Variants in MAOA observed in about 807,000 individuals in gnomAD.
MAOA encodes the protein monoamine oxidase A.
MAOA carries 6 observed loss-of-function variants against 42.0 expected under a neutral mutation model. That is an observed-to-expected ratio of 0.14 (90% CI 0.08 to 0.28). The LOEUF is 0.28. Among genes scored for constraint, MAOA ranks in the 10% least tolerant of loss-of-function variants. The probability of loss-of-function intolerance (pLI) is 1.00; values close to 1 mark genes in which losing one functional copy is unlikely to be tolerated. For missense variants in MAOA, 262 were observed against 422.3 expected (o/e 0.62, Z 3.33); for synonymous variants, 140 against 154.0 (o/e 0.91, Z 0.67).
intron 5 of MAOA, among the ~76,000 whole-genome samples, chrX:43,719,412 C>A (rs2033770657): frequency 9.1e-6 from 1 of 110,415 alleles, no homozygotes; most frequent in Non-Finnish European, 1.9e-5. Flanking sequence ...TGTCTTCCAG[C>A]AATCTGCCAC....
intron 9 of MAOA, among the ~76,000 whole-genome samples, chrX:43,733,679 A>G (rs2033899429): frequency 1.8e-5 from 2 of 112,173 alleles, no homozygotes; most frequent in African/African-American, 6.5e-5. Flanking sequence ...CTTTACCCCT[A>G]GGAAATGCAT....
chrX:43,740,654 T>A lies in MAOA; in HGVS notation c.1107-27T>A, dbSNP rs182821727. 3,174 of 1,133,992 alleles carry A rather than the reference T, an allele frequency of 2.8e-3. 30 individuals carry two copies. In the African/African-American group the frequency reaches 0.046, roughly 16 times the overall value. The allele number at this position is 1,133,992 out of a possible 1,213,427, so 93.5% of individuals were successfully genotyped here. A position where few individuals can be genotyped will look rare whatever the true frequency, so the allele number is the denominator to read the frequency against. On this transcript the variant is annotated intron_variant, in intron 10 of 14. Transcript: ENST00000338702. ...AGTTACTCCTTCCCTAACTTTATTTTTTTTTTTTTTTGGCTCTGTTTTATA... is the reference window on the plus strand; with the variant it reads ...AGTTACTCCTTCCCTAACTTTATTTATTTTTTTTTTTGGCTCTGTTTTATA...
At chrX:43,701,124 T>C (rs1165276876) in intron 3 of MAOA, among the ~76,000 whole-genome samples, 1 of 112,168 alleles carries the variant, frequency 8.9e-6, no homozygotes, top group Non-Finnish European at 1.9e-5. Flanking sequence ...TATATGAAGA[T>C]AGCTGGTAAA....
intron 1 of MAOA, among the ~76,000 whole-genome samples, chrX:43,682,348 G>A (rs2033450821): frequency 9.0e-6 from 1 of 111,178 alleles, no homozygotes; most frequent in South Asian, 3.9e-4. Context: ...GATAAGATGA[G>A]TCGGGAGCAT....
intron 1 of MAOA, among the ~76,000 whole-genome samples, chrX:43,673,047 T>C (rs759352566): frequency 1.6e-4 from 18 of 110,491 alleles, no homozygotes; most frequent in East Asian, 1.1e-3. Flanking sequence ...TGGTAGAATT[T>C]GGCTGTGAAT....
chrX:43,673,156 G>T (rs1458226458), intron 1 of MAOA, among the ~76,000 whole-genome samples: 2 of 110,750 alleles, frequency 1.8e-5, no homozygotes, highest in Non-Finnish European at 3.8e-5. Context: ...CTTCTTCCTG[G>T]TTTAGTCTTG....
chrX:43,683,616 T>C lies in MAOA; in HGVS notation c.168+9T>C. Reference sequence around the variant, plus strand: ...GAACATATACTATAAGGGTAAGTGATTTTAATACTTACATGTAATGTAATA... The same window carrying C: ...GAACATATACTATAAGGGTAAGTGACTTTAATACTTACATGTAATGTAATA... On this transcript the variant is annotated intron_variant, in intron 2 of 14. Coordinates refer to ENST00000338702, the MANE Select transcript of MAOA (RefSeq NM_000240.4). 8.7e-7 allele frequency: 1 copy of C among 1,145,547 alleles called. No homozygotes were observed. Among genetic ancestry groups the C allele is most frequent in the Non-Finnish European group, 1.2e-6 (1 of 835,366 alleles). The allele number at this position is 1,145,547 out of a possible 1,213,427, so 94.4% of individuals were successfully genotyped here. A position where few individuals can be genotyped will look rare whatever the true frequency, so the allele number is the denominator to read the frequency against.
intron 5 of MAOA, among the ~76,000 whole-genome samples, chrX:43,723,757 C>T (rs1215482230): frequency 9.0e-6 from 1 of 110,885 alleles, no homozygotes; most frequent in Non-Finnish European, 1.9e-5. Flanking sequence ...ATCCTTGTGC[C>T]AGTTTTCAAA....
At chrX:43,723,724 G>A (rs1489748880) in intron 5 of MAOA, among the ~76,000 whole-genome samples, 1 of 111,824 alleles carries the variant, frequency 8.9e-6, no homozygotes, top group Non-Finnish European at 1.9e-5. Context: ...ATACTATGTT[G>A]AATAGGAGTG....
intron 3 of MAOA, among the ~76,000 whole-genome samples, chrX:43,706,105 G>T (rs1377182849): frequency 8.9e-6 from 1 of 112,043 alleles, no homozygotes; most frequent in African/African-American, 3.2e-5. Flanking sequence ...AATAATTAAG[G>T]GCTTCTTCTC....
rs373044189 is a variant in MAOA, at chrX:43,712,714, G to A, written c.421G>A (p.Asp141Asn). The A allele has an allele frequency of 5.0e-6, 6 of 1,200,185 alleles. No homozygotes were observed. The African/African-American group carries it at 8.8e-5, about 18-fold the overall frequency. The change falls in exon 5 of 15, where the codon GAT becomes AAT. Residue 141 changes from aspartate to asparagine, a missense_variant. Around this residue, in one of 3 missense-constraint regions of MAOA, gnomAD observed 141 missense variants for 195.6 expected, o/e 0.72. Coordinates refer to ENST00000338702, the MANE Select transcript of MAOA (RefSeq NM_000240.4). ...CTTCCTTTCTCTACAGATTCCAACTGATGCACCCTGGGAGGCTCAACATGC... is the reference window on the plus strand; with the variant it reads ...CTTCCTTTCTCTACAGATTCCAACTAATGCACCCTGGGAGGCTCAACATGC... ...IDNMGKEIPT[D>N]APWEAQHADK...
intron 2 of MAOA, among the ~76,000 whole-genome samples, chrX:43,692,391 A>G (rs142721515): frequency 0.01 from 1,113 of 111,217 alleles, 16 homozygotes; most frequent in African/African-American, 0.033. Flanking sequence ...TGAAAATGGT[A>G]TAAAGTTATC....
intron 4 of MAOA, among the ~76,000 whole-genome samples, 164 bp from the exon 5 acceptor site, chrX:43,712,541 C>A (rs1389869162): frequency 9.0e-6 from 1 of 111,259 alleles, no homozygotes; most frequent in Non-Finnish European, 1.9e-5. Context: ...ACACAGAATC[C>A]AAAGAACTCT....
intron 4 of MAOA, 25 bp from the exon 5 acceptor site, chrX:43,712,680 G>C: frequency 9.2e-7 from 1 of 1,085,656 alleles, no homozygotes. Context: ...CATCAAACCT[G>C]AGAGGGGACT....
chrX:43,701,448 C>A (rs1463219491), intron 3 of MAOA, among the ~76,000 whole-genome samples: 1 of 111,995 alleles, frequency 8.9e-6, no homozygotes, highest in Non-Finnish European at 1.9e-5. Context: ...AATTTATCAT[C>A]TTCACCAATT....
intron 5 of MAOA, among the ~76,000 whole-genome samples, chrX:43,713,453 C>G (rs926794495): frequency 9.0e-6 from 1 of 111,470 alleles, no homozygotes; most frequent in Non-Finnish European, 1.9e-5. Context: ...TCTAATAAAC[C>G]TGCACATGTA....
At chrX:43,665,279 G>A (rs1601924192) in intron 1 of MAOA, among the ~76,000 whole-genome samples, 1 of 111,466 alleles carries the variant, frequency 9.0e-6, no homozygotes, top group African/African-American at 3.3e-5. Flanking sequence ...AGTTAAATGG[G>A]TCTTTTTGCT....
At chrX:43,674,447 T>C (rs1257308614) in intron 1 of MAOA, among the ~76,000 whole-genome samples, 2 of 110,736 alleles carry the variant, frequency 1.8e-5, no homozygotes, top group African/African-American at 6.5e-5. Context: ...TCCATTTACA[T>C]TTAAAGTTAA....
At chrX:43,720,741 T>A (rs984368335) in intron 5 of MAOA, among the ~76,000 whole-genome samples, 4 of 93,850 alleles carry the variant, frequency 4.3e-5, no homozygotes, top group Admixed American at 1.3e-4. Context: ...CTTCCGGGAA[T>A]GTGACACAGG....
Sources: allele counts gnomAD v4.1 joint callset (sites outside exome capture counted in the v4.1 genomes callset), GRCh38; gene constraint gnomAD v4.1.1; regional missense constraint gnomAD v4.1.1; transcripts MANE v1.5; gene names NCBI Gene and HGNC (gene_info 2026-07-23, HGNC 2026-07-21).